NCAM1: variants seen among roughly 807,000 people sequenced by gnomAD.
The protein encoded by NCAM1 is antigen recognized by monoclonal antibody 5.1H11.
NCAM1 carries 14 observed loss-of-function variants against 109.8 expected under a neutral mutation model. The observed-to-expected ratio is 0.13, with a 90% CI of 0.08 to 0.20. NCAM1 has a LOEUF of 0.20. Ranked by LOEUF, NCAM1 falls within the 10% of genes least tolerant of loss-of-function variation. The probability of loss-of-function intolerance (pLI) is 1.00; values close to 1 mark genes in which losing one functional copy is unlikely to be tolerated. For missense variants in NCAM1, 774 were observed against 1,109.9 expected (o/e 0.70, Z 4.30); for synonymous variants, 418 against 442.9 (o/e 0.94, Z 0.70).
chr11:113,021,299 C>A (rs1952377228), intron 1 of NCAM1, among the ~76,000 whole-genome samples: 1 of 152,126 alleles, frequency 6.6e-6, no homozygotes, highest in Non-Finnish European at 1.5e-5. Flanking sequence ...GTTCTCAGAC[C>A]ACTTTTATGG....
chr11:113,162,517 G>T (rs1240669272), intron 1 of NCAM1, among the ~76,000 whole-genome samples: 3 of 152,076 alleles, frequency 2.0e-5, no homozygotes, highest in Admixed American at 6.5e-5. Flanking sequence ...GAAAATGGAA[G>T]AATCCATTTT....
chr11:113,048,611 G>A (rs1314241136), intron 1 of NCAM1, among the ~76,000 whole-genome samples: 1 of 152,200 alleles, frequency 6.6e-6, no homozygotes, highest in Non-Finnish European at 1.5e-5. Context: ...TTTGCAAAAT[G>A]AGTAAAGGAC....
intron 8 of NCAM1, among the ~76,000 whole-genome samples, chr11:113,217,178 C>T (rs936268208): frequency 1.6e-4 from 25 of 152,210 alleles, no homozygotes; most frequent in Non-Finnish European, 3.1e-4. Flanking sequence ...CCAGTCTCAC[C>T]TGGCACCCTG....
intron 1 of NCAM1, 60 bp from the exon 2 acceptor site, chr11:113,202,319 C>G (rs782516150): frequency 1.4e-6 from 2 of 1,406,240 alleles, no homozygotes; most frequent in African/African-American, 2.9e-5. Context: ...TACGTTTGAA[C>G]TGAACTTTGT....
rs188593524 is a variant in NCAM1 at position 113,092,582 on chromosome 11, A to C, written c.53-109797A>C. Among the ~76,000 whole-genome samples, 219 of 152,300 alleles carry C rather than the reference A, an allele frequency of 1.4e-3. 1 individual carries two copies. Among genetic ancestry groups the C allele is most frequent in the African/African-American group, 4.3e-3 (178 of 41,566 alleles). On this transcript the variant is annotated intron_variant, in intron 1 of 19. Coordinates refer to ENST00000316851, the MANE Select transcript of NCAM1 (RefSeq NM_181351.5). ...CAGAACTGAGCCAGTTCTTGATAAA[A>C]TTGCAATTATATGAAAGTCTATTAT...
chr11:113,052,996 C>T (rs879964983), intron 1 of NCAM1, among the ~76,000 whole-genome samples: 3 of 152,134 alleles, frequency 2.0e-5, no homozygotes, highest in African/African-American at 7.2e-5. Flanking sequence ...GGCTCCCCTG[C>T]CACAAAGAGT....
chr11:113,166,060 T>A (rs1942787275), intron 1 of NCAM1, among the ~76,000 whole-genome samples: 1 of 152,070 alleles, frequency 6.6e-6, no homozygotes. Context: ...CCCGATCTCC[T>A]GACCTCGTGA....
intron 1 of NCAM1, among the ~76,000 whole-genome samples, chr11:113,146,661 A>T (rs931006909): frequency 1.3e-5 from 2 of 152,194 alleles, no homozygotes; most frequent in Non-Finnish European, 2.9e-5. Flanking sequence ...CTAGTGAATG[A>T]TTGTGAGATA....
intron 1 of NCAM1, among the ~76,000 whole-genome samples, chr11:113,105,861 A>G (rs1555092444): frequency 6.6e-6 from 1 of 152,236 alleles, no homozygotes; most frequent in African/African-American, 2.4e-5. Flanking sequence ...AATATATTAA[A>G]AGCCACTAAT....
At chr11:113,080,456 G>T (rs955773196) in intron 1 of NCAM1, among the ~76,000 whole-genome samples, 37 of 147,368 alleles carry the variant, frequency 2.5e-4, no homozygotes, top group African/African-American at 6.7e-4. Context: ...GAATAGAGGG[G>T]TTTTTTTTCT....
At chr11:112,961,811 C>A (rs1950570919) in intron 1 of NCAM1, 147 bp downstream of exon 1, 1 of 644,724 alleles carries the variant, frequency 1.6e-6, no homozygotes, top group Admixed American at 2.8e-5. Flanking sequence ...AGCGCGTCGC[C>A]CTTGCTGCCC....
intron 6 of NCAM1, 35 bp downstream of exon 6, chr11:113,207,413 A>G (rs781973138): frequency 1.9e-6 from 3 of 1,541,306 alleles, no homozygotes; most frequent in Non-Finnish European, 2.7e-6. Flanking sequence ...ATCATGGACT[A>G]GAGGAGAATG....
chr11:113,011,918 T>TTTCTTTCC (rs1199733603), intron 1 of NCAM1, among the ~76,000 whole-genome samples: 92 of 152,058 alleles, frequency 6.1e-4, no homozygotes, highest in African/African-American at 2.1e-3. Context: ...AAAAATTTCT[T>TTTCTTTCC]TTCTTTCCTT....
chr11:113,159,769 A>G (rs958006225), intron 1 of NCAM1, among the ~76,000 whole-genome samples: 3 of 151,728 alleles, frequency 2.0e-5, no homozygotes, highest in Admixed American at 6.6e-5. Flanking sequence ...GGTTAGTTAC[A>G]TATGTATACG....
intron 1 of NCAM1, among the ~76,000 whole-genome samples, chr11:113,104,150 C>G (rs868967511): frequency 8.8e-5 from 11 of 125,714 alleles, no homozygotes; most frequent in Middle Eastern, 0.011. Context: ...GAAGCCCTGA[C>G]TAGTTTTCGT....
intron 1 of NCAM1, among the ~76,000 whole-genome samples, chr11:112,988,212 A>T (rs1951360871): frequency 6.6e-6 from 1 of 152,124 alleles, no homozygotes; most frequent in South Asian, 2.1e-4. Context: ...TTTTTGTGTC[A>T]CAATTTACTT....
At chr11:113,109,720 G>A (rs969338579) in intron 1 of NCAM1, among the ~76,000 whole-genome samples, 9 of 152,076 alleles carry the variant, frequency 5.9e-5, no homozygotes, top group African/African-American at 1.9e-4. Context: ...AGGGAAACTG[G>A]GAAGAACTTG....
intron 7 of NCAM1, among the ~76,000 whole-genome samples, chr11:113,209,367 G>A (rs11214542): frequency 0.034 from 5,175 of 152,316 alleles, 142 homozygotes; most frequent in Middle Eastern, 0.088. Context: ...CAAGTTAACC[G>A]TACGTATTTG....
chr11:113,015,807 T>C (rs569241548), intron 1 of NCAM1, among the ~76,000 whole-genome samples: 53 of 152,126 alleles, frequency 3.5e-4, no homozygotes, highest in Non-Finnish European at 6.8e-4. Context: ...GATCTAGATA[T>C]ATAACCAGGA....
Sources: gnomAD v4.1 joint callset for allele counts (sites outside exome capture counted in the v4.1 genomes callset) on GRCh38, gnomAD v4.1.1 for gene constraint, MANE v1.5 for transcripts, NCBI Gene and HGNC (gene_info 2026-07-23, HGNC 2026-07-21) for gene names.